The following WDR27 variants were observed in gnomAD, a reference collection of about 807,000 sequenced individuals.
WDR27 encodes the protein WD repeat-containing protein 27.
In WDR27, 100 loss-of-function variants were observed where a neutral mutation model predicts 114.4. The ratio of observed to expected loss-of-function variants is 0.87; its 90% confidence interval spans 0.74 to 1.03. The LOEUF (loss-of-function observed/expected upper bound fraction) is 1.03, where lower values mean the gene tolerates loss of function less well. Among genes scored for constraint, WDR27 ranks in the 50% least tolerant of loss-of-function variants. The pLI, the probability that WDR27 is intolerant of heterozygous loss-of-function variation, is 0.00. For synonymous variants in WDR27, 449 were observed against 423.1 expected (o/e 1.06, Z -0.75); for missense variants, 1,129 against 1,092.9 (o/e 1.03, Z -0.47).
At chr6:169,649,352 G>GA (rs1394150062) in intron 14 of WDR27, 77 bp from the exon 15 acceptor site, 7 of 1,272,462 alleles carry the variant, frequency 5.5e-6, no homozygotes, top group South Asian at 3.9e-5. Context: ...ATTTTACAGT[G>GA]AAAAAAATTA....
chr6:169,701,168 T>C (rs1342616812), intron 1 of WDR27, among the ~76,000 whole-genome samples: 1 of 152,218 alleles, frequency 6.6e-6, no homozygotes, highest in Non-Finnish European at 1.5e-5. Context: ...ATGAAAACTC[T>C]ACTACTCGAG....
At chr6:169,589,487 C>T (rs138198391) in intron 23 of WDR27, among the ~76,000 whole-genome samples, 1 of 152,174 alleles carries the variant, frequency 6.6e-6, no homozygotes, top group African/African-American at 2.4e-5. Context: ...AAAACACACA[C>T]TGAATGACAT....
intron 25 of WDR27, among the ~76,000 whole-genome samples, chr6:169,563,370 C>G (rs917385658): frequency 6.6e-6 from 1 of 152,182 alleles, no homozygotes; most frequent in African/African-American, 2.4e-5. Context: ...ACAACCCCAA[C>G]AGGGTCTCTA....
chr6:169,503,865 GT>G (rs1468632666), intron 25 of WDR27, among the ~76,000 whole-genome samples: 1 of 151,910 alleles, frequency 6.6e-6, no homozygotes, highest in African/African-American at 2.4e-5. Context: ...AAGCTAAGCA[GT>G]CCATTCTTCA....
the WDR27 span, among the ~76,000 whole-genome samples, chr6:169,442,528 A>C: frequency 6.6e-6 from 1 of 152,202 alleles, no homozygotes; most frequent in African/African-American, 2.4e-5. Flanking sequence ...AGATCTTCTA[A>C]TTTTAGGAAA....
At chr6:169,457,778 C>CTA in intron 25 of WDR27, 144 bp from the exon 26 acceptor site, 1 of 601,268 alleles carries the variant, frequency 1.7e-6, no homozygotes, top group Non-Finnish European at 3.0e-6. Flanking sequence ...ATAGTAGAAT[C>CTA]TATATATACA....
chr6:169,609,507 A>G (rs1170120101), intron 22 of WDR27, among the ~76,000 whole-genome samples: 3 of 151,828 alleles, frequency 2.0e-5, no homozygotes, highest in Non-Finnish European at 2.9e-5. Context: ...CACCCTCTGA[A>G]GCCATGGCAT....
At chr6:169,500,272 GT>G (rs1790986202) in intron 25 of WDR27, among the ~76,000 whole-genome samples, 1 of 152,094 alleles carries the variant, frequency 6.6e-6, no homozygotes, top group Non-Finnish European at 1.5e-5. Context: ...ATGATGGTGC[GT>G]TTTATAGCAA....
chr6:169,695,677 T>TC (rs1456055326), intron 1 of WDR27, among the ~76,000 whole-genome samples: 2 of 152,122 alleles, frequency 1.3e-5, no homozygotes, highest in African/African-American at 4.8e-5. Flanking sequence ...AGTAACACTC[T>TC]CCCTAAGATG....
intron 25 of WDR27, among the ~76,000 whole-genome samples, chr6:169,561,555 T>C (rs1443409494): frequency 6.6e-6 from 1 of 150,542 alleles, no homozygotes; most frequent in Non-Finnish European, 1.5e-5. Context: ...TCAAATTAAC[T>C]AAACAAAGAG....
chr6:169,601,355 A>G (rs1437137144), intron 23 of WDR27, among the ~76,000 whole-genome samples: 1 of 152,254 alleles, frequency 6.6e-6, no homozygotes, highest in Non-Finnish European at 1.5e-5. Flanking sequence ...CAGAAAAATC[A>G]GATTCATCAA....
At chr6:169,661,053 C>T (rs1280944114) in intron 9 of WDR27, among the ~76,000 whole-genome samples, 2 of 152,256 alleles carry the variant, frequency 1.3e-5, no homozygotes, top group East Asian at 1.9e-4. Context: ...GAGCTCTCCG[C>T]AGGAGTGGAG....
At chr6:169,552,325 C>T (rs189587168) in intron 25 of WDR27, among the ~76,000 whole-genome samples, 5 of 152,068 alleles carry the variant, frequency 3.3e-5, no homozygotes, top group Non-Finnish European at 7.4e-5. Context: ...TATTATTGTT[C>T]GTCTCCCCCA....
At chr6:169,685,883 G>C (rs1478666135) in intron 2 of WDR27, among the ~76,000 whole-genome samples, 3 of 152,108 alleles carry the variant, frequency 2.0e-5, no homozygotes, top group African/African-American at 7.2e-5. Flanking sequence ...AAACCAAATA[G>C]GTCCTTTTAG....
intron 25 of WDR27, among the ~76,000 whole-genome samples, chr6:169,511,781 G>A (rs901334693): frequency 9.2e-5 from 14 of 152,170 alleles, no homozygotes; most frequent in African/African-American, 3.4e-4. Flanking sequence ...ATTCATATCT[G>A]CCATCATTTT....
At chr6:169,458,790 A>G (rs1238282834) in intron 25 of WDR27, among the ~76,000 whole-genome samples, 1 of 151,260 alleles carries the variant, frequency 6.6e-6, no homozygotes, top group Middle Eastern at 3.3e-3. Context: ...CTGTCTCAAA[A>G]AAAAAAAAAA....
At chr6:169,525,535 C>CAAA (rs569369732) in intron 25 of WDR27, among the ~76,000 whole-genome samples, 3 of 96,968 alleles carry the variant, frequency 3.1e-5, no homozygotes, top group South Asian at 3.4e-4. Context: ...GACTCCATCT[C>CAAA]AAAAAAAAAA....
intron 25 of WDR27, among the ~76,000 whole-genome samples, chr6:169,521,497 C>A (rs543703355): frequency 6.6e-6 from 1 of 152,172 alleles, no homozygotes; most frequent in Admixed American, 6.5e-5. Context: ...ATTAGACAAA[C>A]CCAAAATGCT....
intron 2 of WDR27, among the ~76,000 whole-genome samples, chr6:169,687,777 G>T (rs1427467993): frequency 1.3e-5 from 2 of 152,060 alleles, no homozygotes; most frequent in African/African-American, 2.4e-5. Flanking sequence ...ATATGAAAAG[G>T]TACCCCTCCA....
Sources: gnomAD v4.1 joint callset for allele counts (sites outside exome capture counted in the v4.1 genomes callset) on GRCh38, gnomAD v4.1.1 for gene constraint, MANE v1.5 for transcripts, NCBI Gene and HGNC (gene_info 2026-07-23, HGNC 2026-07-21) for gene names.